The following SEPTIN8 variants were observed in gnomAD, a reference collection of about 807,000 sequenced individuals.
SEPTIN8 encodes septin 8.
SEPTIN8 carries 22 observed loss-of-function variants against 53.1 expected under a neutral mutation model. That is an observed-to-expected ratio of 0.41 (90% CI 0.30 to 0.59). The LOEUF is 0.59. Ranked by LOEUF, SEPTIN8 falls within the 20% of genes least tolerant of loss-of-function variation. The pLI is 0.24. For synonymous variants in SEPTIN8, 228 were observed against 248.4 expected, an observed-to-expected ratio of 0.92 and a Z score of 0.77; for missense variants, 536 against 638.7, an observed-to-expected ratio of 0.84 and a Z score of 1.73.
At position 132,761,042 on chromosome 5, in the gene SEPTIN8, A is replaced by C. The variant is rs750768653; in HGVS notation, c.1096-50T>G. 24 of 1,596,344 alleles carry C rather than the reference A, an allele frequency of 1.5e-5. No individual in the cohort carries two copies. In the South Asian group the frequency reaches 2.5e-4, roughly 17 times the overall value. ...ATGCGGGGAGCAAGAGGAGGGCTTG[A>C]GCCTGGGCCAGGAAGGCACCCCCAC... On this transcript the variant is annotated intron_variant, in intron 8 of 9. Transcript: ENST00000378719. This position sits in a 1 kb window ranked among gnomAD's most constrained non-coding sequence, Gnocchi z 5.8.
chr5:132,764,448 G>C (rs111686874), intron 2 of SEPTIN8, 29 bp from the exon 3 acceptor site: 1 of 1,584,280 alleles, frequency 6.3e-7, no homozygotes, highest in Non-Finnish European at 8.6e-7. Context: ...AGGGGAAGAA[G>C]TGGGTGTCAT....
At chr5:132,756,292 G>C (rs983571438) in intron 9 of SEPTIN8, 1 of 984,432 alleles carries the variant, frequency 1.0e-6, no homozygotes, top group Non-Finnish European at 1.2e-6. Flanking sequence ...TTTCCACATC[G>C]GCCTGGGACA....
intron 2 of SEPTIN8, 116 bp downstream of exon 2, chr5:132,765,293 C>T (rs985699470): frequency 3.1e-6 from 4 of 1,300,816 alleles, no homozygotes; most frequent in Admixed American, 4.2e-5. Flanking sequence ...CCTGACACCC[C>T]CAAAGTTTCA....
Position 132,753,184 on chromosome 5 carries a change from T to C in SEPTIN8, c.1287-1003A>G, listed in dbSNP as rs1176207814. The C allele has an allele frequency of 1.4e-5, 8 of 563,438 alleles. No individual in the cohort carries two copies. In the East Asian group the frequency reaches 1.4e-4, roughly 10 times the overall value. 34.9% of individuals were successfully genotyped at this position (563,438 alleles called of 1,614,324 possible). ...GTCAGTAGAGGTCAGGGTGGTCTGA[T>C]AGACTATGACCCTGTCTTCCCTTTT... On this transcript the variant is annotated intron_variant, in intron 9 of 9. Coordinates refer to ENST00000378719, the MANE Select transcript of SEPTIN8 (RefSeq NM_001098811.2).
chr5:132,752,391 C>G (rs559850801), intron 9 of SEPTIN8, among the ~76,000 whole-genome samples: 2 of 152,254 alleles, frequency 1.3e-5, no homozygotes, highest in South Asian at 4.2e-4. Flanking sequence ...GACATGTGTT[C>G]CCTTCACTGG....
intron 1 of SEPTIN8, among the ~76,000 whole-genome samples, chr5:132,766,909 C>T (rs974458251): frequency 2.6e-5 from 4 of 152,158 alleles, no homozygotes; most frequent in Admixed American, 6.5e-5. Context: ...AACCTTGGCA[C>T]TCAAACCCAA....
At position 132,777,000 on chromosome 5, in the gene SEPTIN8, C is replaced by G. The variant is rs1244085302; in HGVS notation, c.30+108G>C. 4.4e-6 allele frequency: 3 copies of G among 685,846 alleles called. No individual in the cohort carries two copies. Among genetic ancestry groups the G allele is most frequent in the Non-Finnish European group, 5.8e-6 (3 of 521,562 alleles). The allele number at this position is 685,846 out of a possible 1,614,324, so 42.5% of individuals were successfully genotyped here. ...CCTCGAGCTGGCCCGGTGTCGAGGC[C>G]CGGCCGTGAGGCGCTGACAGCCCGC... On this transcript the variant is annotated intron_variant, in intron 1 of 9. Coordinates refer to ENST00000378719, the MANE Select transcript of SEPTIN8 (RefSeq NM_001098811.2). The surrounding 1 kb of genome is among the most constrained non-coding windows in gnomAD (Gnocchi z 4.4).
intron 9 of SEPTIN8, among the ~76,000 whole-genome samples, chr5:132,755,020 G>A (rs574789667): frequency 6.6e-6 from 1 of 152,258 alleles, no homozygotes; most frequent in South Asian, 2.1e-4. Flanking sequence ...CAAGTCATTT[G>A]ATGATGTTTC....
chr5:132,754,760 T>C (rs539104840), intron 9 of SEPTIN8, among the ~76,000 whole-genome samples: 1 of 152,284 alleles, frequency 6.6e-6, no homozygotes, highest in East Asian at 1.9e-4. Flanking sequence ...CTATCCCACC[T>C]CAACTCAGAG....
rs1421322394 is a variant in SEPTIN8, at chr5:132,776,315, C to T, written c.30+793G>A. On this transcript the variant is annotated intron_variant, in intron 1 of 9. Coordinates refer to ENST00000378719, the MANE Select transcript of SEPTIN8 (RefSeq NM_001098811.2). The surrounding 1 kb of genome is among the most constrained non-coding windows in gnomAD (Gnocchi z 4.4). ...CAGGGGATGTCCAGATACAACCCCC[C>T]AAAGGCCTCCCTCCCGCGAGTGAAT... 6.6e-6 allele frequency among the ~76,000 whole-genome samples: 1 copy of T among 152,192 alleles called. No individual in the cohort carries two copies. The highest frequency in any genetic ancestry group is 6.5e-5 in the Admixed American group (1 of 15,286).
intron 1 of SEPTIN8, among the ~76,000 whole-genome samples, chr5:132,768,470 G>T (rs541443040): frequency 3.3e-5 from 5 of 152,338 alleles, no homozygotes. Flanking sequence ...GCATCGACAT[G>T]TGATCTAAGT....
chr5:132,778,094 G>A (rs773905627), upstream of SEPTIN8: 2 of 985,208 alleles, frequency 2.0e-6, no homozygotes, highest in Non-Finnish European at 2.4e-6. Flanking sequence ...CGCCAGGGTC[G>A]GAGGCCTCAG....
At chr5:132,762,335 G>T in intron 5 of SEPTIN8, 149 bp downstream of exon 5, 1 of 748,306 alleles carries the variant, frequency 1.3e-6, no homozygotes. Context: ...ACAGATGTAG[G>T]ACTGGCCAGC....
chr5:132,761,956 C>T lies in SEPTIN8; in HGVS notation c.697-60G>A. On this transcript the variant is annotated intron_variant, in intron 5 of 9. Coordinates refer to ENST00000378719, the MANE Select transcript of SEPTIN8 (RefSeq NM_001098811.2). This position sits in a 1 kb window ranked among gnomAD's most constrained non-coding sequence, Gnocchi z 5.8. ...CTGACACAGACTAATGGCAGACTCT[C>T]CCTCCCTGCCCCTGGGTCCTAGGGA... The T allele has an allele frequency of 7.0e-7, 1 of 1,432,388 alleles. No homozygotes were observed. Among genetic ancestry groups the T allele is most frequent in the Non-Finnish European group, 9.5e-7 (1 of 1,052,108 alleles). 88.7% of individuals were successfully genotyped at this position (1,432,388 alleles called of 1,614,324 possible).
In SEPTIN8 at chr5:132,751,801, T is replaced by A. The variant is rs549695318; in HGVS notation, c.*215A>T. 1 of 790,962 alleles carries A rather than the reference T, an allele frequency of 1.3e-6. No individual in the cohort carries two copies. Among genetic ancestry groups the A allele is most frequent in the Non-Finnish European group, 1.9e-6 (1 of 513,402 alleles). The allele number at this position is 790,962 out of a possible 1,614,324, so 49.0% of individuals were successfully genotyped here. On this transcript the variant is annotated 3_prime_UTR_variant, in exon 10 of 10. Transcript: ENST00000378719. ...GTGGAAGCTCAGCTTGGCCACAGGA[T>A]GGGCATTAAGCCTCAAGCCCCTTAC...
At position 132,752,088 on chromosome 5, in the gene SEPTIN8, G is replaced by T; in HGVS notation, c.1380C>A (p.Ser460Arg). ...AGCACTGTATGGCGGGCCACCAGCT[G>T]CTGCAGTTCAAGGGCTCCACACTGG... is the stretch of plus-strand genomic sequence containing the variant. The part of the protein sequence containing the change: ...TKASVEPLNC[S>R]SWWPAIQCCS... The change falls in exon 10 of 10, where the codon AGC (serine) becomes AGA (arginine). Residue 460 changes from serine (S) to arginine (R), a missense_variant. By Grantham distance (110) the Ser-to-Arg change is moderately radical (BLOSUM62 -1). Transcript: ENST00000378719. 1 of 1,602,956 alleles carries T rather than the reference G, an allele frequency of 6.2e-7. No homozygotes were observed.
intron 9 of SEPTIN8, chr5:132,757,483 G>C (rs1755450399): frequency 5.1e-6 from 5 of 985,496 alleles, no homozygotes; most frequent in Non-Finnish European, 6.0e-6. Context: ...TGAGAAGGAA[G>C]ACAGGGGCAT....
rs1357668362 is a variant in SEPTIN8 at position 132,764,348 on chromosome 5, T to G, written c.223A>C (p.Ser75Arg). 8 of 1,614,102 alleles carry G rather than the reference T, an allele frequency of 5.0e-6. No individual in the cohort carries two copies. Among genetic ancestry groups the G allele is most frequent in the African/African-American group, 1.3e-5 (1 of 74,948 alleles). ...FNTTFETEEA[S>R]HHEACVRLRP... ...AGGCGCACGCATGCCTCATGGTGACTGGCTTCCTCAGTCTCGAAGGTCGTG... is the reference window on the plus strand; with the variant it reads ...AGGCGCACGCATGCCTCATGGTGACGGGCTTCCTCAGTCTCGAAGGTCGTG... The change falls in exon 3 of 10, where the codon AGT becomes CGT. Residue 75 changes from serine (S) to arginine (R), a missense_variant. By Grantham distance (110) the Ser-to-Arg change is moderately radical. Coordinates refer to ENST00000378719, the MANE Select transcript of SEPTIN8 (RefSeq NM_001098811.2).
chr5:132,777,847 G>T (rs144913770), upstream of SEPTIN8: 3 of 985,492 alleles, frequency 3.0e-6, no homozygotes, highest in Admixed American at 6.1e-5. The surrounding 1 kb of genome is among the most constrained non-coding windows in gnomAD (Gnocchi z 4.1). Flanking sequence ...CCAGCCTTCG[G>T]CTCCTTGTGC....
Sources: allele counts gnomAD v4.1 joint callset (sites outside exome capture counted in the v4.1 genomes callset), GRCh38; gene constraint gnomAD v4.1.1; non-coding constraint Gnocchi (gnomAD v3.1); transcripts MANE v1.5; gene names NCBI Gene and HGNC (gene_info 2026-07-23, HGNC 2026-07-21).